Variants in NKAIN3 observed in about 807,000 individuals in gnomAD.
NKAIN3 encodes the protein sodium/potassium transporting ATPase interacting 3, also known as sodium/potassium-transporting ATPase subunit beta-1-interacting protein 3.
NKAIN3 carries 25 observed loss-of-function variants against 30.2 expected under a neutral mutation model. That is an observed-to-expected ratio of 0.83 (90% CI 0.60 to 1.16). The LOEUF is 1.16. Ranked by LOEUF, NKAIN3 falls within the 50% of genes most tolerant of loss-of-function variation. The pLI, the probability that NKAIN3 is intolerant of heterozygous loss-of-function variation, is 0.00. For missense variants in NKAIN3, 225 were observed against 254.1 expected (o/e 0.89, Z 0.78); for synonymous variants, 91 against 89.6 (o/e 1.02, Z -0.09).
At chr8:62,707,540 T>C (rs1814573137) in intron 3 of NKAIN3, among the ~76,000 whole-genome samples, 1 of 152,162 alleles carries the variant, frequency 6.6e-6, no homozygotes. Flanking sequence ...GAATTGTCTA[T>C]CCATGTCCTT....
chr8:62,667,916 G>T (rs1563508392), intron 3 of NKAIN3, among the ~76,000 whole-genome samples: 1 of 152,094 alleles, frequency 6.6e-6, no homozygotes, highest in Non-Finnish European at 1.5e-5. Flanking sequence ...CTGTCTCAGG[G>T]TTTTACCACC....
chr8:62,536,883 A>C (rs1318735859), intron 1 of NKAIN3, among the ~76,000 whole-genome samples: 4 of 152,110 alleles, frequency 2.6e-5, no homozygotes, highest in African/African-American at 9.7e-5. Context: ...CGAGGCCCTC[A>C]TGGGGAGAGA....
intron 1 of NKAIN3, among the ~76,000 whole-genome samples, chr8:62,382,079 T>C (rs913013737): frequency 6.6e-6 from 1 of 152,128 alleles, no homozygotes; most frequent in Non-Finnish European, 1.5e-5. Flanking sequence ...CCATGCACAG[T>C]TGAAAATCCA....
chr8:62,600,461 A>G (rs1400312058), intron 3 of NKAIN3, among the ~76,000 whole-genome samples: 1 of 151,986 alleles, frequency 6.6e-6, no homozygotes, highest in African/African-American at 2.4e-5. Flanking sequence ...CCTCAGAGGT[A>G]GACATTAGTA....
chr8:62,553,800 A>C (rs1027390826), intron 1 of NKAIN3, among the ~76,000 whole-genome samples: 1 of 152,118 alleles, frequency 6.6e-6, no homozygotes, highest in African/African-American at 2.4e-5. Context: ...AGCCTCCCAA[A>C]GTGCTGGGAT....
intron 6 of NKAIN3, among the ~76,000 whole-genome samples, chr8:62,964,877 C>T (rs974184444): frequency 6.6e-6 from 1 of 152,046 alleles, no homozygotes; most frequent in African/African-American, 2.4e-5. Context: ...ACACCATGGC[C>T]TGGCCATGCT....
intron 4 of NKAIN3, among the ~76,000 whole-genome samples, chr8:62,860,709 CT>C (rs1302081017): frequency 6.6e-6 from 1 of 152,212 alleles, no homozygotes; most frequent in Non-Finnish European, 1.5e-5. Context: ...ATTTTTCTAT[CT>C]GATGCAGATT....
At chr8:62,773,241 A>C (rs886673038) in intron 4 of NKAIN3, among the ~76,000 whole-genome samples, 1 of 152,100 alleles carries the variant, frequency 6.6e-6, no homozygotes, top group Admixed American at 6.6e-5. Flanking sequence ...GTATATGGAG[A>C]GAGATTGGAG....
intron 1 of NKAIN3, among the ~76,000 whole-genome samples, chr8:62,444,921 T>A (rs539956428): frequency 6.6e-6 from 1 of 152,216 alleles, no homozygotes; most frequent in African/African-American, 2.4e-5. Context: ...TGAGATGATA[T>A]CTCATTGGAG....
intron 1 of NKAIN3, among the ~76,000 whole-genome samples, chr8:62,358,300 T>C (rs1816426389): frequency 6.7e-6 from 1 of 149,608 alleles, no homozygotes; most frequent in Non-Finnish European, 1.5e-5. Context: ...ATAATTAGGC[T>C]GTACTTCATT....
chr8:62,691,709 A>T (rs189292170), intron 3 of NKAIN3, among the ~76,000 whole-genome samples: 13 of 152,286 alleles, frequency 8.5e-5, no homozygotes. Flanking sequence ...AAGGAAAGAA[A>T]CTACTTTGTT....
At chr8:62,870,130 C>T (rs1380736820) in intron 4 of NKAIN3, among the ~76,000 whole-genome samples, 2 of 147,876 alleles carry the variant, frequency 1.4e-5, no homozygotes, top group African/African-American at 5.0e-5. Context: ...TTCTCTTCTT[C>T]ACCAGCTTGC....
chr8:62,623,598 C>T (rs982849056), intron 3 of NKAIN3, among the ~76,000 whole-genome samples: 15 of 152,058 alleles, frequency 9.9e-5, no homozygotes, highest in African/African-American at 1.4e-4. Context: ...TCTTTTCTTA[C>T]GTAGGTACAA....
intron 4 of NKAIN3, among the ~76,000 whole-genome samples, chr8:62,758,989 T>C (rs539859646): frequency 2.0e-5 from 3 of 152,314 alleles, no homozygotes; most frequent in East Asian, 3.9e-4. Flanking sequence ...GATTCTCAAA[T>C]GGTTCCTCAA....
intron 3 of NKAIN3, among the ~76,000 whole-genome samples, chr8:62,652,624 A>T (rs1221148259): frequency 1.3e-5 from 2 of 152,160 alleles, no homozygotes; most frequent in African/African-American, 4.8e-5. Flanking sequence ...GTAAACTGGG[A>T]ATAGTCTGAT....
rs188292545 is a variant in NKAIN3, at chr8:62,558,147, C to A, written c.55-21392C>A. Among the ~76,000 whole-genome samples the A allele has an allele frequency of 2.4e-3, 365 of 152,250 alleles. 2 individuals are homozygous for A. The highest frequency in any genetic ancestry group is 7.9e-3 in the African/African-American group (329 of 41,568). ...ATGTGGCTTGCCATTCATCCCAGCACAACTTGTTGAATAGGGTGTCCTTTC... is the reference window on the plus strand; with the variant it reads ...ATGTGGCTTGCCATTCATCCCAGCAAAACTTGTTGAATAGGGTGTCCTTTC... On this transcript the variant is annotated intron_variant, in intron 1 of 6. Transcript: ENST00000623646.
At chr8:62,254,111 G>T (rs1057149890) in intron 1 of NKAIN3, among the ~76,000 whole-genome samples, 1 of 151,332 alleles carries the variant, frequency 6.6e-6, no homozygotes, top group African/African-American at 2.4e-5. Flanking sequence ...ATACTGAAGG[G>T]TTACATCGTG....
At chr8:62,722,486 G>A (rs1441801350) in intron 3 of NKAIN3, among the ~76,000 whole-genome samples, 1 of 152,118 alleles carries the variant, frequency 6.6e-6, no homozygotes, top group African/African-American at 2.4e-5. Context: ...ATTTAGATAA[G>A]TCCTTTGTGG....
intron 1 of NKAIN3, among the ~76,000 whole-genome samples, chr8:62,325,632 A>G (rs757472702): frequency 2.0e-5 from 3 of 152,036 alleles, no homozygotes; most frequent in Admixed American, 6.6e-5. Flanking sequence ...CTCCACATCC[A>G]TGCCAACATC....
Sources: gnomAD v4.1 joint callset for allele counts (sites outside exome capture counted in the v4.1 genomes callset) on GRCh38, gnomAD v4.1.1 for gene constraint, MANE v1.5 for transcripts, NCBI Gene and HGNC (gene_info 2026-07-23, HGNC 2026-07-21) for gene names.